The following CCDC148 variants were observed in gnomAD, a reference collection of about 807,000 sequenced individuals.
The protein encoded by CCDC148 is coiled-coil domain-containing protein 148.
Under a neutral mutation model 85.7 loss-of-function variants are expected in CCDC148, and 89 were observed. That is an observed-to-expected ratio of 1.04 (90% CI 0.87 to 1.24). CCDC148 has a LOEUF of 1.24. Ranked by LOEUF, CCDC148 falls within the 50% of genes most tolerant of loss-of-function variation. The probability of loss-of-function intolerance (pLI) is 0.00; values close to 1 mark genes in which losing one functional copy is unlikely to be tolerated. For missense variants in CCDC148, 692 were observed against 671.7 expected, an observed-to-expected ratio of 1.03 and a Z score of -0.33; for synonymous variants, 230 against 213.9, an observed-to-expected ratio of 1.08 and a Z score of -0.66.
At position 158,401,897 on chromosome 2, in the gene CCDC148, C is replaced by T. The variant is rs573013131; in HGVS notation, c.26-43327G>A. ...TGTGGCCAGAGCAGAGCAGCCCAGA[C>T]CTCAGCTACAGAACCAAAGAATAGA... On this transcript the variant is annotated intron_variant, in intron 1 of 13. Coordinates refer to ENST00000283233, the MANE Select transcript of CCDC148 (RefSeq NM_138803.4). Among the ~76,000 whole-genome samples the T allele has an allele frequency of 2.1e-3, 317 of 152,042 alleles. 2 individuals carry two copies. The highest frequency in any genetic ancestry group is 7.3e-3 in the African/African-American group (303 of 41,498).
chr2:158,436,862 A>T (rs1432341492), intron 1 of CCDC148, among the ~76,000 whole-genome samples: 2 of 152,232 alleles, frequency 1.3e-5, no homozygotes, highest in African/African-American at 4.8e-5. Context: ...TACGGAAATA[A>T]ACTAGAAAAT....
At chr2:158,256,868 C>T (rs1185483907) in intron 9 of CCDC148, among the ~76,000 whole-genome samples, 2 of 151,724 alleles carry the variant, frequency 1.3e-5, no homozygotes, top group Admixed American at 1.3e-4. Context: ...TATTCTATTA[C>T]AGCACGTATC....
At chr2:158,371,249 AG>A (rs1684427957) in intron 1 of CCDC148, among the ~76,000 whole-genome samples, 1 of 152,070 alleles carries the variant, frequency 6.6e-6, no homozygotes, top group Non-Finnish European at 1.5e-5. Context: ...TTCTACTAAA[AG>A]GCAGACTATA....
At chr2:158,209,785 G>C (rs568992178) in intron 11 of CCDC148, among the ~76,000 whole-genome samples, 1 of 152,120 alleles carries the variant, frequency 6.6e-6, no homozygotes, top group East Asian at 1.9e-4. Flanking sequence ...TCACCACCAG[G>C]CCTGCCTTAC....
At chr2:158,435,892 A>G (rs1191869010) in intron 1 of CCDC148, among the ~76,000 whole-genome samples, 1 of 152,244 alleles carries the variant, frequency 6.6e-6, no homozygotes, top group East Asian at 1.9e-4. Flanking sequence ...GCCAATACAT[A>G]ATGGTAAAGG....
chr2:158,226,839 A>T (rs1259832868), intron 10 of CCDC148, among the ~76,000 whole-genome samples: 3 of 152,156 alleles, frequency 2.0e-5, no homozygotes, highest in Non-Finnish European at 4.4e-5. Flanking sequence ...ACAAACCCAC[A>T]GTCAATATCA....
chr2:158,368,552 C>G (rs1684298890), intron 1 of CCDC148, among the ~76,000 whole-genome samples: 1 of 152,044 alleles, frequency 6.6e-6, no homozygotes, highest in Non-Finnish European at 1.5e-5. Flanking sequence ...CATTATATGA[C>G]ATTTTAGAAA....
At chr2:158,446,220 T>G (rs1426020803) in intron 1 of CCDC148, among the ~76,000 whole-genome samples, 1 of 152,108 alleles carries the variant, frequency 6.6e-6, no homozygotes, top group East Asian at 1.9e-4. Flanking sequence ...CCAGGCATGG[T>G]GGCCCATGCC....
At chr2:158,249,030 C>G (rs1365694030) in intron 10 of CCDC148, among the ~76,000 whole-genome samples, 2 of 152,110 alleles carry the variant, frequency 1.3e-5, no homozygotes. Flanking sequence ...ATCTTACAAA[C>G]TAGTGATGTC....
intron 1 of CCDC148, among the ~76,000 whole-genome samples, chr2:158,377,836 A>G (rs1340276961): frequency 1.3e-5 from 2 of 152,142 alleles, no homozygotes; most frequent in African/African-American, 2.4e-5. Context: ...CTGCATGCAC[A>G]TAAGAAAGCA....
intron 10 of CCDC148, among the ~76,000 whole-genome samples, chr2:158,228,522 G>A (rs1404688841): frequency 1.3e-5 from 2 of 152,034 alleles, no homozygotes; most frequent in East Asian, 1.9e-4. Context: ...TGTTTATTGC[G>A]GCAGTATTCA....
At chr2:158,279,334 C>T (rs1052374859) in intron 9 of CCDC148, among the ~76,000 whole-genome samples, 4 of 152,084 alleles carry the variant, frequency 2.6e-5, no homozygotes, top group South Asian at 4.1e-4. Flanking sequence ...CTACGAGCTA[C>T]AGGAGGAAAT....
rs182402164 is a variant in CCDC148 at position 158,343,176 on chromosome 2, C to T, written c.251+2039G>A. ...CTGGGACTACTGGTATGCACCACCA[C>T]ACCCTGGCAAAATTTCTTTTATTTT... is the stretch of plus-strand genomic sequence containing the variant. On this transcript the variant is annotated intron_variant, in intron 3 of 13. Transcript: ENST00000283233. Among the ~76,000 whole-genome samples, 509 of 152,270 alleles carry T rather than the reference C, an allele frequency of 3.3e-3. 6 individuals are homozygous for T. The highest frequency in any genetic ancestry group is 2.7e-3 in the Non-Finnish European group (181 of 68,016).
chr2:158,446,703 C>T (rs570839635), intron 1 of CCDC148, among the ~76,000 whole-genome samples: 1 of 152,140 alleles, frequency 6.6e-6, no homozygotes, highest in South Asian at 2.1e-4. Context: ...GTTGTGGAAC[C>T]ATTACCACTA....
chr2:158,304,312 T>C (rs919896771), intron 9 of CCDC148, among the ~76,000 whole-genome samples: 3 of 152,116 alleles, frequency 2.0e-5, no homozygotes, highest in African/African-American at 7.2e-5. Context: ...CTGTCCTAAG[T>C]AAGCTAGGCA....
intron 1 of CCDC148, among the ~76,000 whole-genome samples, chr2:158,416,911 C>T (rs1686525152): frequency 6.6e-6 from 1 of 152,162 alleles, no homozygotes. Context: ...GCTCATGGTT[C>T]TGCAGGCTGT....
chr2:158,337,995 A>G (rs1682474889), intron 7 of CCDC148, among the ~76,000 whole-genome samples: 1 of 152,120 alleles, frequency 6.6e-6, no homozygotes, highest in African/African-American at 2.4e-5. Flanking sequence ...TTAAATATAC[A>G]TTCTTTCGGG....
chr2:158,303,471 G>A (rs1014092790), intron 9 of CCDC148, among the ~76,000 whole-genome samples: 1 of 152,032 alleles, frequency 6.6e-6, no homozygotes, highest in Non-Finnish European at 1.5e-5. Context: ...GGGATAAATT[G>A]CCAAGTTTCC....
chr2:158,403,194 T>G (rs1330450278), intron 1 of CCDC148, among the ~76,000 whole-genome samples: 1 of 152,068 alleles, frequency 6.6e-6, no homozygotes, highest in African/African-American at 2.4e-5. Context: ...TCTTTTTTTT[T>G]TCTGACCCAA....
Sources: allele counts gnomAD v4.1 joint callset (sites outside exome capture counted in the v4.1 genomes callset), GRCh38; gene constraint gnomAD v4.1.1; transcripts MANE v1.5; gene names NCBI Gene and HGNC (gene_info 2026-07-23, HGNC 2026-07-21).